Variants in ADAM18 observed in about 807,000 individuals in gnomAD.
ADAM18 encodes the protein ADAM metallopeptidase domain 18, also known as disintegrin and metalloproteinase domain-containing protein 18.
In ADAM18, 117 loss-of-function variants were observed where a neutral mutation model predicts 94.4. The observed-to-expected ratio is 1.24, with a 90% CI of 1.07 to 1.45. The LOEUF is 1.45. Among genes scored for constraint, ADAM18 ranks in the 40% most tolerant of loss-of-function variants. The pLI is 0.00. For missense variants in ADAM18, 936 were observed against 880.0 expected (o/e 1.06, Z -0.81); for synonymous variants, 327 against 291.6 (o/e 1.12, Z -1.24).
intron 18 of ADAM18, among the ~76,000 whole-genome samples, chr8:39,723,094 A>T (rs1350301860): frequency 1.3e-5 from 2 of 151,374 alleles, no homozygotes; most frequent in South Asian, 2.1e-4. Context: ...CATTTAGTTA[A>T]CTCATTGCTG....
At position 39,637,710 on chromosome 8, in the gene ADAM18, A is replaced by C; in HGVS notation, c.827+7A>C. The stretch of plus-strand genomic sequence containing the variant: ...ACATAGCATACTTACTTGTGTAAGC[A>C]CAATGTTCTACATTAATAAAGATAT... On this transcript the variant is annotated splice_region_variant and intron_variant, in intron 9 of 19. Coordinates refer to ENST00000265707, the MANE Select transcript of ADAM18 (RefSeq NM_014237.3). The C allele has an allele frequency of 1.9e-6, 3 of 1,576,150 alleles. No homozygotes were observed. The highest frequency in any genetic ancestry group is 1.9e-5 in the Admixed American group (1 of 53,152).
Position 39,680,140 on chromosome 8 carries a change from G to A in ADAM18, c.1735G>A (p.Val579Ile). ...VYSYIQDHVC[V>I]SIATGSSMRS... ...TTCATATATTCAAGACCATGTATGTGTATCTATAGCCACTGGTTCCTCCAT... is the reference window on the plus strand; with the variant it reads ...TTCATATATTCAAGACCATGTATGTATATCTATAGCCACTGGTTCCTCCAT... Residue 579 changes from valine (V) to isoleucine (I), a missense_variant, in exon 16 of 20, where the codon GTA becomes ATA. Transcript: ENST00000265707. 1.9e-6 allele frequency: 3 copies of A among 1,613,806 alleles called. No homozygotes were observed. Among genetic ancestry groups the A allele is most frequent in the Middle Eastern group, 1.6e-4 (1 of 6,062 alleles).
At chr8:39,657,299 G>C (rs1389615273) in intron 12 of ADAM18, among the ~76,000 whole-genome samples, 2 of 151,974 alleles carry the variant, frequency 1.3e-5, no homozygotes, top group Non-Finnish European at 2.9e-5. Flanking sequence ...TCACTAAAAA[G>C]GTCTTTGTTT....
chr8:39,608,839 G>A (rs1437123523), intron 3 of ADAM18, among the ~76,000 whole-genome samples: 2 of 152,090 alleles, frequency 1.3e-5, no homozygotes, highest in Non-Finnish European at 2.9e-5. Flanking sequence ...GAATCCCAGA[G>A]TCTGTCCCAG....
chr8:39,632,891 A>T (rs1037133292), intron 7 of ADAM18, among the ~76,000 whole-genome samples: 1 of 152,178 alleles, frequency 6.6e-6, no homozygotes, highest in Admixed American at 6.6e-5. Context: ...TACAAGTTAG[A>T]TTGCTATGGT....
chr8:39,663,597 T>C lies in ADAM18; in HGVS notation c.1231-198T>C, dbSNP rs1351436400. Among the ~76,000 whole-genome samples, 3 of 23,490 alleles carry C rather than the reference T, an allele frequency of 1.3e-4. No homozygotes were observed. The East Asian group carries it at 3.9e-3, about 30-fold the overall frequency. 15.4% of individuals were successfully genotyped at this position (23,490 alleles called of 152,430 possible). A position where few individuals can be genotyped will look rare whatever the true frequency, so the allele number is the denominator to read the frequency against. ...CTGGGTGACAGAGTGAAATCCTGTC[T>C]CAAAAAAAAAAAAAAAAAAAAAAAA... On this transcript the variant is annotated intron_variant, in intron 12 of 19. Transcript: ENST00000265707.
At chr8:39,653,596 T>G (rs1820600176) in intron 12 of ADAM18, among the ~76,000 whole-genome samples, 1 of 152,218 alleles carries the variant, frequency 6.6e-6, no homozygotes, top group African/African-American at 2.4e-5. Context: ...GTTAAGGAAT[T>G]CTACTGATTT....
At chr8:39,585,198 G>C (rs986940918) in intron 1 of ADAM18, 78 bp from the exon 2 acceptor site, 10 of 1,163,272 alleles carry the variant, frequency 8.6e-6, no homozygotes, top group East Asian at 4.8e-5. Flanking sequence ...CATGCAGTCC[G>C]GGATAAGAAC....
intron 12 of ADAM18, among the ~76,000 whole-genome samples, chr8:39,649,305 CTATA>C (rs891078753): frequency 6.6e-6 from 1 of 151,946 alleles, no homozygotes; most frequent in Non-Finnish European, 1.5e-5. Flanking sequence ...GTGTGTATCT[CTATA>C]TGTGTATATA....
Position 39,584,674 on chromosome 8 carries a change from G to A in ADAM18, c.52G>A (p.Glu18Lys). 1 of 1,613,142 alleles carries A rather than the reference G, an allele frequency of 6.2e-7. No individual in the cohort carries two copies. Among genetic ancestry groups the A allele is most frequent in the Non-Finnish European group, 8.5e-7 (1 of 1,180,010 alleles). The change falls in exon 1 of 20, where the codon GAA becomes AAA. Residue 18 changes from glutamate to lysine, a missense_variant. By Grantham distance (56) the Glu-to-Lys change is moderately conservative. Transcript: ENST00000265707. ...TGAGCTTGGAAGACTGCAAGCCCACGAAGGTAAGTCCATGGGAGCCTCCCC... is the reference window on the plus strand; with the variant it reads ...TGAGCTTGGAAGACTGCAAGCCCACAAAGGTAAGTCCATGGGAGCCTCCCC... ...LTELGRLQAH[E>K]GSEGIFLHVT...
chr8:39,698,341 T>G (rs958111843), intron 17 of ADAM18, among the ~76,000 whole-genome samples: 2 of 152,002 alleles, frequency 1.3e-5, no homozygotes, highest in African/African-American at 4.8e-5. Context: ...TCAATTTTTC[T>G]CATATCTAAG....
chr8:39,720,036 A>T (rs1389193586), intron 18 of ADAM18, among the ~76,000 whole-genome samples: 1 of 149,132 alleles, frequency 6.7e-6, no homozygotes, highest in Non-Finnish European at 1.5e-5. Context: ...TTTGTAATAG[A>T]TAACATCTGG....
intron 17 of ADAM18, among the ~76,000 whole-genome samples, chr8:39,703,564 T>C (rs1822148676): frequency 6.6e-6 from 1 of 152,126 alleles, no homozygotes; most frequent in South Asian, 2.1e-4. Context: ...ATGTCAGTTT[T>C]CAAGGGGAAA....
rs1822990558 is a variant in ADAM18 at position 39,728,708 on chromosome 8, A to C, written c.2178-1190A>C. 2.0e-5 allele frequency among the ~76,000 whole-genome samples: 3 copies of C among 152,214 alleles called. No individual in the cohort carries two copies. The South Asian group carries it at 6.2e-4, about 31-fold the overall frequency. Reference sequence around the variant, plus strand: ...TTTATGTTATTATTGTTTGTAAGTCAAACAAATATTTTATGTTTAGAAGGA... The same window carrying C: ...TTTATGTTATTATTGTTTGTAAGTCCAACAAATATTTTATGTTTAGAAGGA... On this transcript the variant is annotated intron_variant, in intron 19 of 19. Coordinates refer to ENST00000265707, the MANE Select transcript of ADAM18 (RefSeq NM_014237.3).
chr8:39,682,137 T>C (rs1821479726), intron 16 of ADAM18, among the ~76,000 whole-genome samples: 1 of 152,120 alleles, frequency 6.6e-6, no homozygotes, highest in Non-Finnish European at 1.5e-5. Context: ...CAGAGTGTTA[T>C]TCAGTTAGAC....
intron 3 of ADAM18, among the ~76,000 whole-genome samples, chr8:39,607,361 A>G (rs1819117422): frequency 6.6e-6 from 1 of 152,174 alleles, no homozygotes; most frequent in East Asian, 1.9e-4. Context: ...CTCTGTCTGC[A>G]TCTTCAAACA....
intron 11 of ADAM18, among the ~76,000 whole-genome samples, chr8:39,646,234 G>A (rs1442145908): frequency 6.6e-6 from 1 of 152,058 alleles, no homozygotes; most frequent in Non-Finnish European, 1.5e-5. Context: ...GTGCTATAGT[G>A]CTGTCTAATA....
intron 13 of ADAM18, among the ~76,000 whole-genome samples, chr8:39,667,516 T>C (rs1163582802): frequency 6.6e-6 from 1 of 152,074 alleles, no homozygotes; most frequent in African/African-American, 2.4e-5. Context: ...TCAATACTAA[T>C]AAGAACTCTA....
chr8:39,714,285 G>A (rs1172255634), intron 18 of ADAM18, among the ~76,000 whole-genome samples: 2 of 152,092 alleles, frequency 1.3e-5, no homozygotes, highest in African/African-American at 2.4e-5. Context: ...ACCAGGGCCT[G>A]TTGGGAGATG....
Sources: gnomAD v4.1 joint callset for allele counts (sites outside exome capture counted in the v4.1 genomes callset) on GRCh38, gnomAD v4.1.1 for gene constraint, MANE v1.5 for transcripts, NCBI Gene and HGNC (gene_info 2026-07-23, HGNC 2026-07-21) for gene names.